Variants in TTC27 observed in about 807,000 individuals in gnomAD.
TTC27 encodes tetratricopeptide repeat domain 27, also known as tetratricopeptide repeat protein 27.
Under a neutral mutation model 115.9 loss-of-function variants are expected in TTC27, and 79 were observed. The ratio of observed to expected loss-of-function variants is 0.68; its 90% CI spans 0.57 to 0.82. The LOEUF is 0.82. TTC27 is among the 40% of genes least tolerant of loss of function. The pLI, the probability that TTC27 is intolerant of heterozygous loss-of-function variation, is 0.00. For synonymous variants in TTC27, 401 were observed against 356.0 expected (o/e 1.13, Z -1.42); for missense variants, 1,054 against 993.1 (o/e 1.06, Z -0.82).
chr2:32,671,033 T>C (rs1227485112), intron 7 of TTC27, among the ~76,000 whole-genome samples: 1 of 151,338 alleles, frequency 6.6e-6, no homozygotes, highest in Non-Finnish European at 1.5e-5. Flanking sequence ...TATTTGGATC[T>C]GGAGCTTGAC....
chr2:32,751,258 C>CCACA (rs56183534), intron 12 of TTC27, among the ~76,000 whole-genome samples: 10,900 of 140,740 alleles, frequency 0.077, 446 homozygotes, highest in Admixed American at 0.14. Context: ...GTAGGTTAAA[C>CCACA]CACACACACA....
chr2:32,679,031 A>G (rs748275870), intron 9 of TTC27, 109 bp downstream of exon 9: 14 of 881,368 alleles, frequency 1.6e-5, no homozygotes, highest in Non-Finnish European at 2.3e-5. Flanking sequence ...ACCTAAGGAA[A>G]TAAGGTGGAG....
Sources: allele counts gnomAD v4.1 joint callset (sites outside exome capture counted in the v4.1 genomes callset), GRCh38; gene constraint gnomAD v4.1.1; transcripts MANE v1.5; gene names NCBI Gene and HGNC (gene_info 2026-07-23, HGNC 2026-07-21).